The following PHACTR1 variants were observed in gnomAD, a reference collection of about 807,000 sequenced individuals.
The protein encoded by PHACTR1 is phosphatase and actin regulator 1, also known as RPEL repeat containing 1.
A neutral mutation model predicts 69.2 loss-of-function variants in PHACTR1; 16 were observed. The ratio of observed to expected loss-of-function variants is 0.23; its 90% CI spans 0.16 to 0.35. The LOEUF is 0.35. Ranked by LOEUF, PHACTR1 falls within the 10% of genes least tolerant of loss-of-function variation. The pLI is 1.00. For synonymous variants in PHACTR1, 312 were observed against 284.5 expected (o/e 1.10, Z -0.97); for missense variants, 510 against 734.7 (o/e 0.69, Z 3.54).
Position 13,231,230 on chromosome 6 carries a change from AAG to A in PHACTR1, c.1391+1043_1391+1044del, listed in dbSNP as rs750212382. ...GGAAGGAAGGGAAAAGAAAGAAGGA[AAG>A]AGAGAAAGAAAGAAGGAAAGAGAAA... On this transcript the variant is annotated intron_variant, in intron 10 of 14. Coordinates refer to ENST00000332995, the MANE Select transcript of PHACTR1 (RefSeq NM_030948.6). Among the ~76,000 whole-genome samples, 490 of 138,896 alleles carry A rather than the reference AAG, an allele frequency of 3.5e-3. 7 individuals carry two copies. Among genetic ancestry groups the A allele is most frequent in the African/African-American group, 0.013 (431 of 34,270 alleles). 91.1% of individuals were successfully genotyped at this position (138,896 alleles called of 152,430 possible).
intron 4 of PHACTR1, among the ~76,000 whole-genome samples, chr6:12,978,573 C>A (rs1476615618): frequency 1.3e-5 from 2 of 152,188 alleles, no homozygotes; most frequent in Non-Finnish European, 2.9e-5. Flanking sequence ...AATAAGCATT[C>A]TTTCCCTCCC....
chr6:13,117,121 C>G (rs1189065016), intron 5 of PHACTR1, among the ~76,000 whole-genome samples: 2 of 152,170 alleles, frequency 1.3e-5, no homozygotes, highest in African/African-American at 4.8e-5. Context: ...GGGAAGAAGT[C>G]AGCCACCATG....
rs1350059383 is a variant in PHACTR1, at chr6:13,246,029, C to G, written c.1391+15836C>G. Among the ~76,000 whole-genome samples the G allele has an allele frequency of 1.3e-5, 2 of 152,164 alleles. No individual in the cohort carries two copies. Among genetic ancestry groups the G allele is most frequent in the Non-Finnish European group, 2.9e-5 (2 of 68,024 alleles). Reference sequence around the variant, plus strand: ...AGGTAAATGGCTGATAGAGGCTACACTACTAGCCAAGTTCACACAGTAATT... The same window carrying G: ...AGGTAAATGGCTGATAGAGGCTACAGTACTAGCCAAGTTCACACAGTAATT... On this transcript the variant is annotated intron_variant, in intron 10 of 14. Transcript: ENST00000332995. The surrounding 1 kb of genome is among the most constrained non-coding windows in gnomAD (Gnocchi z 4.2).
chr6:13,217,407 G>A (rs899710064), intron 8 of PHACTR1, among the ~76,000 whole-genome samples: 6 of 152,182 alleles, frequency 3.9e-5, no homozygotes, highest in Admixed American at 2.0e-4. Flanking sequence ...ACTCACCAGC[G>A]TCTAGGGACA....
intron 4 of PHACTR1, among the ~76,000 whole-genome samples, chr6:12,861,776 A>G (rs963871932): frequency 1.3e-5 from 2 of 152,232 alleles, no homozygotes; most frequent in African/African-American, 2.4e-5. Flanking sequence ...AGAAGTACAC[A>G]TTCTGACCAG....
rs1278228612 is a variant in PHACTR1 at position 12,746,410 on chromosome 6, A to G, written c.104-3234A>G. ...TTAGCCAGGCTTGGTGGAGGCATGTAGCTGTGGTCCCAGCTACTTAGGAGG... is the reference window on the plus strand; with the variant it reads ...TTAGCCAGGCTTGGTGGAGGCATGTGGCTGTGGTCCCAGCTACTTAGGAGG... On this transcript the variant is annotated intron_variant, in intron 3 of 14. Transcript: ENST00000332995. Among the ~76,000 whole-genome samples the G allele has an allele frequency of 3.3e-5, 5 of 152,224 alleles. No homozygotes were observed. In the East Asian group the frequency reaches 7.7e-4, roughly 24 times the overall value.
intron 5 of PHACTR1, among the ~76,000 whole-genome samples, chr6:13,135,904 A>G (rs1333915053): frequency 6.6e-6 from 1 of 152,080 alleles, no homozygotes; most frequent in Non-Finnish European, 1.5e-5. Flanking sequence ...ATGTATTTGA[A>G]ATAGAAAAAA....
chr6:13,140,461 A>C (rs1207228499), intron 5 of PHACTR1, among the ~76,000 whole-genome samples: 1 of 152,210 alleles, frequency 6.6e-6, no homozygotes, highest in Non-Finnish European at 1.5e-5. Context: ...ATTAAAAAAG[A>C]AAGGAAATTC....
chr6:13,074,291 T>C (rs553877258), intron 5 of PHACTR1, among the ~76,000 whole-genome samples: 2 of 152,292 alleles, frequency 1.3e-5, no homozygotes, highest in South Asian at 2.1e-4. Flanking sequence ...TAATTAAGGA[T>C]ATACAAATTG....
chr6:13,181,042 G>A (rs766061344), intron 6 of PHACTR1, among the ~76,000 whole-genome samples: 2 of 151,882 alleles, frequency 1.3e-5, no homozygotes, highest in Non-Finnish European at 2.9e-5. Context: ...TACACTGTCC[G>A]CTTCAGATGA....
At chr6:12,765,276 C>T (rs778420381) in intron 4 of PHACTR1, among the ~76,000 whole-genome samples, 23 of 152,106 alleles carry the variant, frequency 1.5e-4, no homozygotes, top group East Asian at 5.8e-4. Flanking sequence ...TTGCTATGTA[C>T]GCAATACAAG....
chr6:13,103,961 G>C (rs1013808134), intron 5 of PHACTR1, among the ~76,000 whole-genome samples: 1 of 152,178 alleles, frequency 6.6e-6, no homozygotes, highest in Non-Finnish European at 1.5e-5. Flanking sequence ...GCACGCACCT[G>C]TAGTCTCAGC....
chr6:12,878,481 G>C (rs1357199217), intron 4 of PHACTR1, among the ~76,000 whole-genome samples: 1 of 152,200 alleles, frequency 6.6e-6, no homozygotes, highest in East Asian at 1.9e-4. Flanking sequence ...AGTGACTGTA[G>C]AGTCAGAACA....
At chr6:12,746,982 T>C (rs1765857157) in intron 3 of PHACTR1, among the ~76,000 whole-genome samples, 1 of 152,236 alleles carries the variant, frequency 6.6e-6, no homozygotes, top group Non-Finnish European at 1.5e-5. Context: ...AACCCGAAAG[T>C]TGTAATCAAT....
intron 4 of PHACTR1, among the ~76,000 whole-genome samples, chr6:12,985,733 C>T (rs938657970): frequency 6.6e-6 from 1 of 151,218 alleles, no homozygotes; most frequent in African/African-American, 2.4e-5. Context: ...ATAGAAGTAA[C>T]AAAATCACAA....
At chr6:12,786,124 G>A (rs1422046257) in intron 4 of PHACTR1, among the ~76,000 whole-genome samples, 1 of 152,154 alleles carries the variant, frequency 6.6e-6, no homozygotes, top group Non-Finnish European at 1.5e-5. Flanking sequence ...CCAGTGAATG[G>A]GACCTTTGTA....
chr6:13,212,719 C>T (rs751034669), intron 8 of PHACTR1, among the ~76,000 whole-genome samples: 1 of 152,116 alleles, frequency 6.6e-6, no homozygotes, highest in Non-Finnish European at 1.5e-5. Context: ...CGCACATTCT[C>T]GGACATTCTC....
intron 4 of PHACTR1, among the ~76,000 whole-genome samples, chr6:12,989,579 T>C (rs1398898360): frequency 6.6e-6 from 1 of 152,172 alleles, no homozygotes; most frequent in Non-Finnish European, 1.5e-5. Context: ...TGTTTTCTGT[T>C]GAGGACCAGT....
intron 10 of PHACTR1, among the ~76,000 whole-genome samples, chr6:13,260,523 C>A (rs1454090465): frequency 6.6e-6 from 1 of 152,188 alleles, no homozygotes; most frequent in Non-Finnish European, 1.5e-5. Context: ...CTTCTTAGCA[C>A]TAAAATACTA....
Sources: allele counts gnomAD v4.1 joint callset (sites outside exome capture counted in the v4.1 genomes callset), GRCh38; gene constraint gnomAD v4.1.1; non-coding constraint Gnocchi (gnomAD v3.1); transcripts MANE v1.5; gene names NCBI Gene and HGNC (gene_info 2026-07-23, HGNC 2026-07-21).